DLC1: variants seen among roughly 807,000 people sequenced by gnomAD.
DLC1 encodes the protein rho GTPase-activating protein 7.
In DLC1, 54 loss-of-function variants were observed where a neutral mutation model predicts 140.3. That is an observed-to-expected ratio of 0.38 (90% confidence interval 0.31 to 0.48). The LOEUF (loss-of-function observed/expected upper bound fraction) is 0.48, where lower values mean the gene tolerates loss of function less well. DLC1 is among the 20% of genes least tolerant of loss of function. The pLI, the probability that DLC1 is intolerant of heterozygous loss-of-function variation, is 0.96. For missense variants in DLC1, 2,536 were observed against 1,907.0 expected (o/e 1.33, Z -6.14); for synonymous variants, 986 against 728.1 (o/e 1.35, Z -5.70).
intron 2 of DLC1, among the ~76,000 whole-genome samples, chr8:13,493,524 C>A (rs1005785935): frequency 1.3e-5 from 2 of 152,112 alleles, no homozygotes; most frequent in African/African-American, 2.4e-5. Context: ...GAAGAGCCAT[C>A]GTTCCAAACA....
chr8:13,092,561 G>A (rs768450831), intron 13 of DLC1, 51 bp downstream of exon 13: 13 of 1,575,286 alleles, frequency 8.3e-6, no homozygotes, highest in African/African-American at 1.4e-5. Flanking sequence ...AGAGTCCTAG[G>A]AAGAATGTAG....
At chr8:13,279,239 C>T (rs1831278492) in intron 5 of DLC1, among the ~76,000 whole-genome samples, 1 of 152,196 alleles carries the variant, frequency 6.6e-6, no homozygotes, top group African/African-American at 2.4e-5. Flanking sequence ...TCTGGTTCAA[C>T]ACACACTGTT....
intron 2 of DLC1, among the ~76,000 whole-genome samples, chr8:13,497,858 C>A (rs957745827): frequency 2.6e-5 from 4 of 152,148 alleles, no homozygotes; most frequent in African/African-American, 9.7e-5. Flanking sequence ...GCACAAAATG[C>A]TCTGTTAGCA....
At chr8:13,247,057 G>T (rs1829795492) in intron 5 of DLC1, among the ~76,000 whole-genome samples, 1 of 152,152 alleles carries the variant, frequency 6.6e-6, no homozygotes, top group South Asian at 2.1e-4. Flanking sequence ...CAACCACATT[G>T]TAAGGAGCGT....
intron 1 of DLC1, among the ~76,000 whole-genome samples, chr8:13,511,007 A>G (rs1231024008): frequency 1.3e-5 from 2 of 150,504 alleles, no homozygotes; most frequent in Non-Finnish European, 3.0e-5. Flanking sequence ...TTTTCCTTCC[A>G]TTCATTTCAC....
At chr8:13,170,705 G>C (rs1264068474) in intron 5 of DLC1, among the ~76,000 whole-genome samples, 1 of 149,310 alleles carries the variant, frequency 6.7e-6, no homozygotes, top group East Asian at 2.0e-4. Context: ...ACTCCAGCCT[G>C]GGCGACAGAG....
chr8:13,553,776 C>T (rs961849496), intron 1 of DLC1, among the ~76,000 whole-genome samples: 3 of 152,092 alleles, frequency 2.0e-5, no homozygotes, highest in Admixed American at 2.0e-4. Context: ...ATCCCTACAC[C>T]TTCAAAACGA....
intron 5 of DLC1, among the ~76,000 whole-genome samples, chr8:13,171,001 C>G (rs912238550): frequency 6.6e-6 from 1 of 152,178 alleles, no homozygotes; most frequent in Non-Finnish European, 1.5e-5. Context: ...AGAACTATAA[C>G]TCATGTTATG....
At chr8:13,418,185 G>A (rs984865212) in intron 2 of DLC1, among the ~76,000 whole-genome samples, 1 of 152,112 alleles carries the variant, frequency 6.6e-6, no homozygotes, top group African/African-American at 2.4e-5. Flanking sequence ...TCTGATGGTA[G>A]TTTCTTTTGC....
chr8:13,088,502 T>A lies in DLC1; in HGVS notation c.4277A>T (p.Asp1426Val), dbSNP rs1448042745. ...AAGCGCTCACCTTAAAACAACGTAG[T>A]CTCGAGCAGGATGAGGTGCCATACT... ...QNSMAPHPAR[D>V]YVVLRTWRTN... Residue 1426 changes from aspartate to valine, a missense_variant, in exon 16 of 18, where the codon GAC (aspartate) becomes GTC (valine). Physicochemically the swap from Asp to Val is radical, Grantham distance 152 (BLOSUM62 -3). Transcript: ENST00000276297. 1 of 1,614,224 alleles carries A rather than the reference T, an allele frequency of 6.2e-7. No individual in the cohort carries two copies. Among genetic ancestry groups the A allele is most frequent in the East Asian group, 2.2e-5 (1 of 44,882 alleles).
chr8:13,149,239 A>T (rs1823642289), intron 5 of DLC1, among the ~76,000 whole-genome samples: 2 of 151,944 alleles, frequency 1.3e-5, no homozygotes, highest in African/African-American at 2.4e-5. Flanking sequence ...TTCACATCCC[A>T]CCCTGGAATC....
chr8:13,545,208 A>G (rs1215704195), intron 1 of DLC1, among the ~76,000 whole-genome samples: 1 of 152,014 alleles, frequency 6.6e-6, no homozygotes, highest in Non-Finnish European at 1.5e-5. Flanking sequence ...TTTCATTTTT[A>G]ATATGAACAA....
At chr8:13,400,687 C>G (rs1356701869) in intron 3 of DLC1, among the ~76,000 whole-genome samples, 1 of 151,948 alleles carries the variant, frequency 6.6e-6, no homozygotes, top group African/African-American at 2.4e-5. Context: ...CAGGTAAATA[C>G]AAATTTCTTG....
At chr8:13,444,950 T>C (rs1798708285) in intron 2 of DLC1, among the ~76,000 whole-genome samples, 1 of 151,716 alleles carries the variant, frequency 6.6e-6, no homozygotes, top group Admixed American at 6.6e-5. Flanking sequence ...TGAATGAAGA[T>C]GTAGGAAAGA....
intron 5 of DLC1, among the ~76,000 whole-genome samples, chr8:13,162,841 G>A (rs118182826): frequency 0.011 from 1,654 of 152,280 alleles, 17 homozygotes; most frequent in South Asian, 0.038. Context: ...AGCAGAGGCA[G>A]AAGGATCTCT....
intron 1 of DLC1, among the ~76,000 whole-genome samples, chr8:13,561,377 G>A (rs546636421): frequency 3.4e-4 from 51 of 152,200 alleles, no homozygotes; most frequent in South Asian, 1.9e-3. Flanking sequence ...AAGGGGTCTC[G>A]CTGTGTTGCC....
rs374661243 is a variant in DLC1, at chr8:13,086,282, G to C, written c.4466+8C>G. The C allele has an allele frequency of 4.3e-6, 7 of 1,612,530 alleles. No homozygotes were observed. The African/African-American group carries it at 5.3e-5, about 12-fold the overall frequency. ...TCACCATATAAAAAAATCAGAATCA[G>C]AACATACCTTAAGTCAACTCTGCAC... On this transcript the variant is annotated splice_region_variant and intron_variant, in intron 17 of 17. Transcript: ENST00000276297.
At chr8:13,416,100 T>C (rs1484022075) in intron 2 of DLC1, among the ~76,000 whole-genome samples, 1 of 152,212 alleles carries the variant, frequency 6.6e-6, no homozygotes, top group African/African-American at 2.4e-5. Context: ...ACATGTTCAG[T>C]GACAGGTGTA....
intron 5 of DLC1, among the ~76,000 whole-genome samples, chr8:13,201,431 C>G (rs1827373806): frequency 6.6e-6 from 1 of 152,048 alleles, no homozygotes; most frequent in African/African-American, 2.4e-5. Context: ...TTTATACCTT[C>G]TGATAATACA....
Sources: gnomAD v4.1 joint callset for allele counts (sites outside exome capture counted in the v4.1 genomes callset) on GRCh38, gnomAD v4.1.1 for gene constraint, MANE v1.5 for transcripts, NCBI Gene and HGNC (gene_info 2026-07-23, HGNC 2026-07-21) for gene names.